The following RBM6 variants were observed in gnomAD, a reference collection of about 807,000 sequenced individuals.
RBM6 encodes RNA binding motif protein 6, also known as RNA-binding protein 6.
Under a neutral mutation model 140.4 loss-of-function variants are expected in RBM6, and 23 were observed. The observed-to-expected ratio is 0.16, with a 90% CI of 0.12 to 0.23. RBM6 has a LOEUF of 0.23. RBM6 is among the 10% of genes least tolerant of loss of function. RBM6 has a pLI of 1.00. For missense variants in RBM6, 1,139 were observed against 1,386.7 expected (o/e 0.82, Z 2.84); for synonymous variants, 439 against 475.6 (o/e 0.92, Z 1.00).
intron 5 of RBM6, among the ~76,000 whole-genome samples, chr3:49,982,262 CTTTTTTTTTTTTTTTTTTTT>C (rs751604271): frequency 2.9e-5 from 2 of 68,426 alleles, no homozygotes; most frequent in African/African-American, 1.2e-4. Context: ...CTTTTCTTTT[CTTTTTTTTTTTTTTTTTTTT>C]TTTTTTTTGG....
intron 1 of RBM6, among the ~76,000 whole-genome samples, chr3:49,943,921 A>G (rs138775383): frequency 1.3e-5 from 2 of 152,188 alleles, no homozygotes; most frequent in African/African-American, 4.8e-5. Context: ...TTGTGTGTGT[A>G]TATGTGGTTT....
chr3:50,073,369 A>G (rs1217121192), intron 19 of RBM6, among the ~76,000 whole-genome samples: 1 of 152,220 alleles, frequency 6.6e-6, no homozygotes, highest in Admixed American at 6.5e-5. Flanking sequence ...GGTGGAAAGT[A>G]AAAGAACAAG....
chr3:50,064,035 G>GCA (rs2108929659), intron 15 of RBM6, among the ~76,000 whole-genome samples: 1 of 151,678 alleles, frequency 6.6e-6, no homozygotes, highest in East Asian at 1.9e-4. Flanking sequence ...CCAGGCTCAA[G>GCA]GGATTCTCCT....
intron 6 of RBM6, among the ~76,000 whole-genome samples, chr3:50,021,816 G>A (rs754711325): frequency 1.7e-5 from 2 of 118,726 alleles, no homozygotes; most frequent in African/African-American, 3.2e-5. Context: ...GTGGCGGCAC[G>A]ATCTTGGCTC....
chr3:50,020,336 A>G (rs527844105), intron 6 of RBM6, among the ~76,000 whole-genome samples: 1 of 152,102 alleles, frequency 6.6e-6, no homozygotes, highest in South Asian at 2.1e-4. Context: ...TCACTGATTT[A>G]TCTCTATTGA....
intron 5 of RBM6, among the ~76,000 whole-genome samples, chr3:49,984,172 T>C (rs573047523): frequency 6.6e-6 from 1 of 152,008 alleles, no homozygotes; most frequent in Admixed American, 6.6e-5. Flanking sequence ...TGGTGCATGC[T>C]TGTAGTCCCA....
At chr3:50,046,280 CAAAA>C (rs1184110898) in intron 6 of RBM6, among the ~76,000 whole-genome samples, 1 of 94,624 alleles carries the variant, frequency 1.1e-5, no homozygotes. Flanking sequence ...GACTCTGTCT[CAAAA>C]AAAAAAAAAA....
intron 6 of RBM6, among the ~76,000 whole-genome samples, chr3:50,016,130 T>A (rs952335438): frequency 2.0e-5 from 3 of 152,232 alleles, no homozygotes; most frequent in Non-Finnish European, 4.4e-5. Context: ...TAAACCACCA[T>A]TCTGCTCTCT....
intron 1 of RBM6, among the ~76,000 whole-genome samples, chr3:49,941,640 CAAAAAAAAAAAAAAAA>C (rs1171636981): frequency 3.4e-5 from 2 of 58,726 alleles, no homozygotes; most frequent in African/African-American, 7.2e-5. Context: ...AACTCTGTCT[CAAAAAAAAAAAAAAAA>C]AAAAAAAAAA....
Position 49,961,531 on chromosome 3 carries a change from T to A in RBM6, c.-66-1045T>A, listed in dbSNP as rs186546338. Reference sequence around the variant, plus strand: ...AACTTATTTTTCTGGCCGGGCACGGTGGCTCACGCCTGTAATCCCAGCACT... The same window carrying A: ...AACTTATTTTTCTGGCCGGGCACGGAGGCTCACGCCTGTAATCCCAGCACT... On this transcript the variant is annotated intron_variant, in intron 1 of 20. Transcript: ENST00000266022. 3.4e-3 allele frequency among the ~76,000 whole-genome samples: 502 copies of A among 147,818 alleles called. 1 individual carries two copies. The highest frequency in any genetic ancestry group is 5.7e-3 in the Non-Finnish European group (379 of 67,048).
At chr3:50,008,819 G>T (rs1332412012) in intron 6 of RBM6, among the ~76,000 whole-genome samples, 1 of 152,058 alleles carries the variant, frequency 6.6e-6, no homozygotes, top group Non-Finnish European at 1.5e-5. Context: ...TCAAAGTGTT[G>T]GGATTATAGG....
intron 5 of RBM6, among the ~76,000 whole-genome samples, chr3:49,994,285 A>C (rs2085967044): frequency 2.0e-5 from 3 of 151,288 alleles, no homozygotes; most frequent in South Asian, 4.2e-4. Context: ...CGAGGCTGGG[A>C]CTCCTGAGCT....
At chr3:49,975,205 T>C in intron 4 of RBM6, 118 bp from the exon 5 acceptor site, 1 of 864,848 alleles carries the variant, frequency 1.2e-6, no homozygotes, top group Non-Finnish European at 1.9e-6. Flanking sequence ...AGTTTAACTT[T>C]GCTTTTCCAA....
chr3:49,986,005 A>G (rs116789950), intron 5 of RBM6, among the ~76,000 whole-genome samples: 11,988 of 151,712 alleles, frequency 0.079, 524 homozygotes, highest in African/African-American at 0.1. Context: ...TATTATTTTG[A>G]GATGGGGTCT....
rs746775897 is a variant in RBM6, at chr3:49,967,607, C to T, written c.182C>T (p.Ser61Leu). The T allele has an allele frequency of 3.0e-5, 48 of 1,613,950 alleles. No homozygotes were observed. The highest frequency in any genetic ancestry group is 3.9e-5 in the Non-Finnish European group (46 of 1,180,030). The change falls in exon 3 of 21, where the codon TCG (serine) becomes TTG (leucine). Residue 61 changes from serine to leucine, a missense_variant. Coordinates refer to ENST00000266022, the MANE Select transcript of RBM6 (RefSeq NM_005777.3). This position sits in a 1 kb window ranked among gnomAD's most constrained non-coding sequence, Gnocchi z 4.0. ...DSLPFDFQGH[S>L]GPPFANVEEH... ...CTTCCCTTTGATTTCCAGGGGCATT[C>T]GGGGCCTCCTTTTGCAAATGTAGAG...
chr3:50,046,510 C>T (rs1048485339), intron 6 of RBM6, among the ~76,000 whole-genome samples: 20 of 145,204 alleles, frequency 1.4e-4, no homozygotes, highest in Admixed American at 1.3e-3. Context: ...ACCTGGGAGG[C>T]GGAGGTTGCA....
chr3:50,022,916 T>C (rs1326970530), intron 6 of RBM6, among the ~76,000 whole-genome samples: 2 of 152,088 alleles, frequency 1.3e-5, no homozygotes, highest in Admixed American at 6.6e-5. Flanking sequence ...CTGGGCAATG[T>C]AGCAAAACCC....
chr3:50,067,363 C>G (rs2090157316), intron 17 of RBM6, among the ~76,000 whole-genome samples: 1 of 152,124 alleles, frequency 6.6e-6, no homozygotes. Flanking sequence ...AGCATTATGA[C>G]TGTGGCTAGG....
intron 1 of RBM6, among the ~76,000 whole-genome samples, chr3:49,950,719 T>C (rs1345102608): frequency 6.6e-6 from 1 of 150,592 alleles, no homozygotes; most frequent in Non-Finnish European, 1.5e-5. Flanking sequence ...CATGTCACTG[T>C]GGTACAGTCT....
Sources: gnomAD v4.1 joint callset for allele counts (sites outside exome capture counted in the v4.1 genomes callset) on GRCh38, gnomAD v4.1.1 for gene constraint, Gnocchi (gnomAD v3.1) non-coding constraint, MANE v1.5 for transcripts, NCBI Gene and HGNC (gene_info 2026-07-23, HGNC 2026-07-21) for gene names.